The following ASNS variants were observed in gnomAD, a reference collection of about 807,000 sequenced individuals.
The protein encoded by ASNS is asparagine synthetase (glutamine-hydrolyzing), also known as asparagine synthetase [glutamine-hydrolyzing].
ASNS carries 37 observed loss-of-function variants against 62.6 expected under a neutral mutation model. That is an observed-to-expected ratio of 0.59 (90% confidence interval 0.45 to 0.78). The LOEUF (loss-of-function observed/expected upper bound fraction) is 0.78. ASNS is among the 30% of genes least tolerant of loss of function. The probability of loss-of-function intolerance (pLI) is 0.00; values close to 1 mark genes in which losing one functional copy is unlikely to be tolerated. For synonymous variants in ASNS, 207 were observed against 237.9 expected (o/e 0.87, Z 1.19); for missense variants, 520 against 682.4 (o/e 0.76, Z 2.65).
At chr7:97,923,623 A>G in the ASNS span, among the ~76,000 whole-genome samples, 1 of 152,118 alleles carries the variant, frequency 6.6e-6, no homozygotes, top group Non-Finnish European at 1.5e-5. Context: ...GATGCCTCCC[A>G]AGCCCAAGTC....
At chr7:97,918,479 C>T in the ASNS span, among the ~76,000 whole-genome samples, 2 of 151,988 alleles carry the variant, frequency 1.3e-5, no homozygotes, top group East Asian at 1.9e-4. Flanking sequence ...TGCATCCACA[C>T]GTCAGAATAA....
the ASNS span, among the ~76,000 whole-genome samples, chr7:97,914,176 ATGGATGG>A: frequency 6.6e-6 from 1 of 151,048 alleles, no homozygotes; most frequent in Non-Finnish European, 1.5e-5. Flanking sequence ...GGATGGATGG[ATGGATGG>A]ATGGATGGAT....
At chr7:97,854,110 A>G (rs1478698429) in intron 10 of ASNS, among the ~76,000 whole-genome samples, 1 of 152,356 alleles carries the variant, frequency 6.6e-6, no homozygotes, top group African/African-American at 2.4e-5. Context: ...AATGTAATCA[A>G]ACCCCTTGTA....
Position 97,855,338 on chromosome 7 carries a change from C to T in ASNS, c.1137+15G>A. The T allele has an allele frequency of 1.3e-6, 2 of 1,574,850 alleles. No homozygotes were observed. The highest frequency in any genetic ancestry group is 8.7e-7 in the Non-Finnish European group (1 of 1,146,222). ...TTAATATAGCATGAATATCCCTCCA[C>T]TTCAGAGTGGTTACCTTGTGAAAAT... On this transcript the variant is annotated intron_variant, in intron 9 of 12. Coordinates refer to ENST00000394308, the MANE Select transcript of ASNS (RefSeq NM_001673.5).
chr7:97,927,071 C>CTTTTTT, the ASNS span, among the ~76,000 whole-genome samples: 6 of 40,528 alleles, frequency 1.5e-4, no homozygotes, highest in Non-Finnish European at 2.0e-4. Context: ...CCACACCTGG[C>CTTTTTT]TTTTTTTTTT....
chr7:97,889,277 G>C, the ASNS span, among the ~76,000 whole-genome samples: 3 of 152,226 alleles, frequency 2.0e-5, no homozygotes, highest in African/African-American at 7.2e-5. Flanking sequence ...CCAGCACTTT[G>C]AGAGGCCGAG....
the ASNS span, chr7:97,886,010 T>G: frequency 3.3e-6 from 2 of 608,356 alleles, no homozygotes; most frequent in Admixed American, 3.8e-5. Context: ...GGGTGCCCAA[T>G]GATGAGACCT....
At chr7:97,867,488 ATATT>A (rs879725640) in intron 3 of ASNS, among the ~76,000 whole-genome samples, 3 of 152,226 alleles carry the variant, frequency 2.0e-5, no homozygotes, top group Non-Finnish European at 4.4e-5. Context: ...TATTTTCAAA[ATATT>A]TAACTTCTTG....
chr7:97,867,566 G>A (rs774578956), intron 3 of ASNS, among the ~76,000 whole-genome samples: 12 of 152,152 alleles, frequency 7.9e-5, no homozygotes, highest in Non-Finnish European at 1.8e-4. Context: ...TTTCATTTAA[G>A]GGGAAAGCCA....
chr7:97,887,239 C>A, the ASNS span, among the ~76,000 whole-genome samples: 1 of 152,222 alleles, frequency 6.6e-6, no homozygotes, highest in East Asian at 1.9e-4. Flanking sequence ...ACATGCAGAC[C>A]TGCAGGACAT....
chr7:97,896,325 C>T, the ASNS span, among the ~76,000 whole-genome samples: 6 of 151,532 alleles, frequency 4.0e-5, no homozygotes, highest in Non-Finnish European at 8.8e-5. Flanking sequence ...CGAGGTGGCT[C>T]AAGCCTATAT....
the ASNS span, among the ~76,000 whole-genome samples, chr7:97,923,466 A>C: frequency 3.3e-5 from 5 of 152,108 alleles, no homozygotes; most frequent in Non-Finnish European, 7.4e-5. Flanking sequence ...CTGCATTCCC[A>C]GCTACTTGGG....
chr7:97,895,190 C>G, the ASNS span, among the ~76,000 whole-genome samples: 2 of 152,216 alleles, frequency 1.3e-5, no homozygotes, highest in African/African-American at 4.8e-5. Context: ...GATGAAAACT[C>G]TCAACAAATT....
upstream of ASNS, among the ~76,000 whole-genome samples, chr7:97,872,924 G>T (rs1391241198): frequency 6.6e-6 from 1 of 152,194 alleles, no homozygotes; most frequent in African/African-American, 2.4e-5. Context: ...AACACAGCGA[G>T]ATCACATCTC....
At chr7:97,873,822 C>T (rs902305783), upstream of ASNS, among the ~76,000 whole-genome samples, 4 of 147,950 alleles carry the variant, frequency 2.7e-5, no homozygotes, top group Non-Finnish European at 6.0e-5. Flanking sequence ...CCTGCTTGTC[C>T]GTCCAGAGCT....
chr7:97,918,830 G>A, the ASNS span, among the ~76,000 whole-genome samples: 3 of 152,190 alleles, frequency 2.0e-5, no homozygotes, highest in African/African-American at 7.2e-5. Context: ...TAATGCATGC[G>A]GGGCTTAAAA....
chr7:97,896,741 C>CATATAT, the ASNS span, among the ~76,000 whole-genome samples: 57 of 19,778 alleles, frequency 2.9e-3, 1 homozygote, highest in African/African-American at 4.4e-3. Context: ...CACACACACA[C>CATATAT]ATATATATAT....
At chr7:97,858,783 A>G in intron 6 of ASNS, 71 bp downstream of exon 6, 1 of 1,404,610 alleles carries the variant, frequency 7.1e-7, no homozygotes, top group Non-Finnish European at 9.8e-7. Context: ...AGTAAAAACC[A>G]AAGGGATGGC....
chr7:97,894,199 C>T, the ASNS span, among the ~76,000 whole-genome samples: 1 of 151,578 alleles, frequency 6.6e-6, no homozygotes, highest in East Asian at 1.9e-4. Context: ...TCATGCAAAA[C>T]CTATGGGATA....
Sources: allele counts gnomAD v4.1 joint callset (sites outside exome capture counted in the v4.1 genomes callset), GRCh38; gene constraint gnomAD v4.1.1; transcripts MANE v1.5; gene names NCBI Gene and HGNC (gene_info 2026-07-23, HGNC 2026-07-21).